The following CHST11 variants were observed in gnomAD, a reference collection of about 807,000 sequenced individuals.
CHST11 encodes the protein carbohydrate sulfotransferase 11.
CHST11 carries 9 observed loss-of-function variants against 30.4 expected under a neutral mutation model. The ratio of observed to expected loss-of-function variants is 0.30; its 90% CI spans 0.18 to 0.52. CHST11 has a LOEUF of 0.52. Among genes scored for constraint, CHST11 ranks in the 20% least tolerant of loss-of-function variants. The probability of loss-of-function intolerance (pLI) is 0.97; values close to 1 mark genes in which losing one functional copy is unlikely to be tolerated. For missense variants in CHST11, 348 were observed against 460.6 expected (o/e 0.76, Z 2.24); for synonymous variants, 152 against 187.8 (o/e 0.81, Z 1.56).
chr12:104,488,335 CTG>C (rs963870030), intron 1 of CHST11, among the ~76,000 whole-genome samples: 1 of 151,544 alleles, frequency 6.6e-6, no homozygotes, highest in Non-Finnish European at 1.5e-5. Context: ...GTAGAGAGGT[CTG>C]TGTGTGTGTA....
chr12:104,530,981 G>A (rs936693748), intron 1 of CHST11, among the ~76,000 whole-genome samples: 2 of 152,200 alleles, frequency 1.3e-5, no homozygotes, highest in Admixed American at 6.5e-5. Context: ...TGGGGAAGCC[G>A]GATGCCACTC....
intron 1 of CHST11, among the ~76,000 whole-genome samples, chr12:104,559,180 C>G (rs1029305903): frequency 6.6e-5 from 10 of 152,156 alleles, no homozygotes; most frequent in African/African-American, 2.4e-4. Flanking sequence ...GCTTGGCTAC[C>G]TCTCTAGGTA....
At chr12:104,674,288 A>G (rs923162881) in intron 2 of CHST11, among the ~76,000 whole-genome samples, 2 of 152,126 alleles carry the variant, frequency 1.3e-5, no homozygotes, top group Admixed American at 1.3e-4. Flanking sequence ...AGTGATCCGA[A>G]CCAGATCACT....
chr12:104,494,525 C>CT (rs762033845), intron 1 of CHST11, among the ~76,000 whole-genome samples: 20 of 152,206 alleles, frequency 1.3e-4, no homozygotes, highest in South Asian at 4.1e-4. Flanking sequence ...AGAATCCGTT[C>CT]TAAGTCAGAA....
At chr12:104,739,647 GA>G (rs1232096968) in intron 2 of CHST11, among the ~76,000 whole-genome samples, 2 of 152,126 alleles carry the variant, frequency 1.3e-5, no homozygotes, top group African/African-American at 2.4e-5. Flanking sequence ...TTTTTCATGA[GA>G]AAAAACTTTT....
chr12:104,741,492 T>C (rs952773395), intron 2 of CHST11, among the ~76,000 whole-genome samples: 24 of 152,348 alleles, frequency 1.6e-4, no homozygotes, highest in African/African-American at 5.5e-4. Context: ...TGGACCTCTT[T>C]GGGTGCCTCT....
intron 1 of CHST11, among the ~76,000 whole-genome samples, chr12:104,474,842 G>A (rs2037542528): frequency 6.6e-6 from 1 of 152,166 alleles, no homozygotes; most frequent in African/African-American, 2.4e-5. Flanking sequence ...GTAGATGTTG[G>A]CAGTTTTCAA....
At chr12:104,563,043 G>C (rs2038529028) in intron 1 of CHST11, among the ~76,000 whole-genome samples, 1 of 151,988 alleles carries the variant, frequency 6.6e-6, no homozygotes, top group Non-Finnish European at 1.5e-5. Flanking sequence ...GTTGTTGTTT[G>C]TTTGTTTGTT....
chr12:104,618,539 A>G (rs896598600), intron 2 of CHST11, among the ~76,000 whole-genome samples: 4 of 151,528 alleles, frequency 2.6e-5, no homozygotes, highest in African/African-American at 9.7e-5. Context: ...CTAGCCAAGT[A>G]TTTTTTTTCT....
intron 2 of CHST11, among the ~76,000 whole-genome samples, chr12:104,704,103 G>A (rs1435029141): frequency 1.3e-5 from 2 of 152,264 alleles, no homozygotes; most frequent in Non-Finnish European, 2.9e-5. Context: ...GTGTAGAGAC[G>A]AGCCTGGGAA....
At chr12:104,690,883 C>T (rs749359054) in intron 2 of CHST11, among the ~76,000 whole-genome samples, 37 of 152,136 alleles carry the variant, frequency 2.4e-4, no homozygotes, top group African/African-American at 7.9e-4. Context: ...ACAGAGTGAT[C>T]GGGGAATGTC....
intron 2 of CHST11, among the ~76,000 whole-genome samples, chr12:104,725,642 G>T (rs1485780382): frequency 6.6e-6 from 1 of 151,752 alleles, no homozygotes; most frequent in Admixed American, 6.6e-5. Context: ...TAAGTCTCAG[G>T]ACTCAGAAAA....
intron 2 of CHST11, among the ~76,000 whole-genome samples, chr12:104,666,300 C>T (rs1199438033): frequency 6.6e-6 from 1 of 152,138 alleles, no homozygotes; most frequent in Non-Finnish European, 1.5e-5. Flanking sequence ...CTCAAGCTTT[C>T]CAAAACAATT....
chr12:104,626,860 CTT>C (rs1280571740), intron 2 of CHST11, among the ~76,000 whole-genome samples: 1 of 152,064 alleles, frequency 6.6e-6, no homozygotes, highest in Non-Finnish European at 1.5e-5. Flanking sequence ...ATTGACATGT[CTT>C]TGTCACCCAG....
chr12:104,576,336 C>T lies in CHST11; in HGVS notation c.119-25570C>T, dbSNP rs147813499. On this transcript the variant is annotated intron_variant, in intron 1 of 2. Coordinates refer to ENST00000303694, the MANE Select transcript of CHST11 (RefSeq NM_018413.6). ...GGAATCCCTGACACAGTGGGCCTAG[C>T]GGAAGCCAGGGCAGGTATTAGCAGG... Among the ~76,000 whole-genome samples, 21 of 152,208 alleles carry T rather than the reference C, an allele frequency of 1.4e-4. No homozygotes were observed. In the East Asian group the frequency reaches 3.3e-3, roughly 24 times the overall value.
intron 1 of CHST11, among the ~76,000 whole-genome samples, chr12:104,488,605 G>A (rs1326011733): frequency 2.7e-5 from 4 of 149,666 alleles, no homozygotes; most frequent in Admixed American, 1.3e-4. Context: ...GTATGCGTAT[G>A]TGTGTATGTA....
chr12:104,753,745 G>A (rs1000376980), intron 2 of CHST11, among the ~76,000 whole-genome samples: 45 of 152,306 alleles, frequency 3.0e-4, no homozygotes, highest in East Asian at 9.6e-4. Flanking sequence ...CCAAGACCCC[G>A]GCAGTCAGCT....
chr12:104,572,581 T>G (rs1299542815), intron 1 of CHST11, among the ~76,000 whole-genome samples: 1 of 152,202 alleles, frequency 6.6e-6, no homozygotes, highest in African/African-American at 2.4e-5. Context: ...CATTTTTTAT[T>G]GCATCTATTT....
chr12:104,736,504 C>T (rs918308349), intron 2 of CHST11, among the ~76,000 whole-genome samples: 4 of 152,166 alleles, frequency 2.6e-5, no homozygotes, highest in Admixed American at 1.3e-4. Flanking sequence ...GTTAGAAGTT[C>T]GTATAACTTT....
Sources: allele counts gnomAD v4.1 joint callset (sites outside exome capture counted in the v4.1 genomes callset), GRCh38; gene constraint gnomAD v4.1.1; transcripts MANE v1.5; gene names NCBI Gene and HGNC (gene_info 2026-07-23, HGNC 2026-07-21).